The following KCNK2 variants were observed in gnomAD, a reference collection of about 807,000 sequenced individuals.
The protein encoded by KCNK2 is potassium two pore domain channel subfamily K member 2, also known as potassium channel subfamily K member 2.
In KCNK2, 21 loss-of-function variants were observed where a neutral mutation model predicts 40.5. The ratio of observed to expected loss-of-function variants is 0.52; its 90% confidence interval spans 0.37 to 0.75. The LOEUF is 0.75. Among genes scored for constraint, KCNK2 ranks in the 30% least tolerant of loss-of-function variants. The pLI, the probability that KCNK2 is intolerant of heterozygous loss-of-function variation, is 0.00. For synonymous variants in KCNK2, 191 were observed against 202.2 expected (o/e 0.94, Z 0.47); for missense variants, 399 against 531.6 (o/e 0.75, Z 2.45).
At chr1:215,153,832 G>C (rs973109677) in intron 3 of KCNK2, among the ~76,000 whole-genome samples, 7 of 151,912 alleles carry the variant, frequency 4.6e-5, no homozygotes, top group African/African-American at 1.7e-4. Context: ...CCACTTATGA[G>C]TGAGAACATG....
intron 1 of KCNK2, among the ~76,000 whole-genome samples, chr1:215,048,305 A>G (rs1657856041): frequency 6.6e-6 from 1 of 152,214 alleles, no homozygotes; most frequent in Non-Finnish European, 1.5e-5. Flanking sequence ...AAGAAGAAAT[A>G]TTGTGAAAAT....
chr1:215,074,469 C>T (rs1339798218), intron 1 of KCNK2, among the ~76,000 whole-genome samples: 3 of 152,144 alleles, frequency 2.0e-5, no homozygotes, highest in African/African-American at 7.2e-5. Flanking sequence ...TATTGATTTG[C>T]TCTTCATAAA....
chr1:215,198,774 G>T (rs1201458646), intron 6 of KCNK2, among the ~76,000 whole-genome samples: 2 of 151,874 alleles, frequency 1.3e-5, no homozygotes, highest in Non-Finnish European at 2.9e-5. Context: ...TGATAACTGG[G>T]AATCTTCTTC....
chr1:215,044,958 C>T (rs145262024), intron 1 of KCNK2, among the ~76,000 whole-genome samples: 3,026 of 152,098 alleles, frequency 0.02, 83 homozygotes, highest in African/African-American at 0.069. Flanking sequence ...ATCACGAGGT[C>T]AGGAGATCGA....
At chr1:215,148,989 G>T (rs1254018361) in intron 3 of KCNK2, among the ~76,000 whole-genome samples, 1 of 152,118 alleles carries the variant, frequency 6.6e-6, no homozygotes, top group Non-Finnish European at 1.5e-5. Flanking sequence ...AGAGAGCAAT[G>T]GTACACCGGG....
At chr1:215,195,311 G>C (rs530994708) in intron 6 of KCNK2, among the ~76,000 whole-genome samples, 2 of 151,780 alleles carry the variant, frequency 1.3e-5, no homozygotes, top group Non-Finnish European at 2.9e-5. Flanking sequence ...TCAGAACTGA[G>C]GGTAATTTCT....
At chr1:215,216,425 TATA>T (rs5780822) in intron 6 of KCNK2, among the ~76,000 whole-genome samples, 36,921 of 143,296 alleles carry the variant, frequency 0.26, 5,691 homozygotes, top group African/African-American at 0.44. Context: ...TATTATATGT[TATA>T]ATATATATTT....
chr1:215,235,523 G>C lies in KCNK2; in HGVS notation c.*378G>C, dbSNP rs960038590. 5.8e-6 allele frequency: 1 copy of C among 170,946 alleles called. No homozygotes were observed. Among genetic ancestry groups the C allele is most frequent in the Non-Finnish European group, 1.2e-5 (1 of 80,186 alleles). The allele number at this position is 170,946 out of a possible 1,614,324, so 10.6% of individuals were successfully genotyped here. On this transcript the variant is annotated 3_prime_UTR_variant, in exon 7 of 7. Transcript: ENST00000444842. ...AACTTTTCAGGGTCTACCTAACTGA[G>C]CCTAGATATGGACCATTTATGGATG... is the stretch of plus-strand genomic sequence containing the variant.
chr1:215,151,326 AT>A, intron 3 of KCNK2, among the ~76,000 whole-genome samples: 1 of 152,112 alleles, frequency 6.6e-6, no homozygotes, highest in African/African-American at 2.4e-5. Flanking sequence ...CATCCTCCTA[AT>A]TTTGGTAGAA....
intron 3 of KCNK2, among the ~76,000 whole-genome samples, chr1:215,145,102 T>A (rs781248194): frequency 4.6e-5 from 7 of 152,150 alleles, no homozygotes; most frequent in Non-Finnish European, 8.8e-5. Context: ...CTATCATCAT[T>A]AGCATCATCA....
In KCNK2 at chr1:215,088,539, A is replaced by G. The variant is rs146634554; in HGVS notation, c.357+1861A>G. ...CTCTGATTCATGTAGTTGCATTCTT[A>G]TCACCTGGAGTGAGATGCTTGGTTG... is the stretch of plus-strand genomic sequence containing the variant. On this transcript the variant is annotated intron_variant, in intron 2 of 6. Transcript: ENST00000444842. Among the ~76,000 whole-genome samples, 20 of 151,456 alleles carry G rather than the reference A, an allele frequency of 1.3e-4. No individual in the cohort carries two copies. The East Asian group carries it at 3.9e-3, about 30-fold the overall frequency.
At chr1:215,029,044 C>A in intron 1 of KCNK2, among the ~76,000 whole-genome samples, 1 of 151,684 alleles carries the variant, frequency 6.6e-6, no homozygotes, top group East Asian at 1.9e-4. Flanking sequence ...ATACCCTTTA[C>A]CCCTGCCTCC....
upstream of KCNK2, among the ~76,000 whole-genome samples, chr1:215,082,395 G>T (rs1466534186): frequency 6.6e-6 from 1 of 152,140 alleles, no homozygotes; most frequent in Non-Finnish European, 1.5e-5. Context: ...GGGGTCCAAG[G>T]ACTCGCGTCC....
rs573931083 is a variant in KCNK2, at chr1:215,032,515, T to C, written c.34+26560T>C. Among the ~76,000 whole-genome samples the C allele has an allele frequency of 4.6e-5, 7 of 152,278 alleles. No individual in the cohort carries two copies. The South Asian group carries it at 1.2e-3, about 27-fold the overall frequency. ...TCTGTATGTAGATTTGAGTTTCTGA[T>C]CCATATCATTTCTCTTCTCTCTAAA... On this transcript the variant is annotated intron_variant, in intron 1 of 6. Coordinates refer to the KCNK2 transcript ENST00000391895.
intron 1 of KCNK2, among the ~76,000 whole-genome samples, chr1:215,035,962 T>G (rs11120471): frequency 0.021 from 3,197 of 151,980 alleles, 114 homozygotes; most frequent in African/African-American, 0.073. Flanking sequence ...GTATTTGTCC[T>G]TTGTCAAATA....
chr1:215,190,567 T>C (rs887491363), intron 5 of KCNK2, among the ~76,000 whole-genome samples: 1 of 152,164 alleles, frequency 6.6e-6, no homozygotes, highest in South Asian at 2.1e-4. Context: ...TCTACTGAGA[T>C]TGTGATATCT....
chr1:215,049,216 G>A (rs775890213), intron 1 of KCNK2, among the ~76,000 whole-genome samples: 8 of 152,104 alleles, frequency 5.3e-5, no homozygotes, highest in Non-Finnish European at 1.0e-4. Context: ...ATCAGATATT[G>A]TATTGTGCTT....
At chr1:215,084,101 AT>A (rs900021675) in intron 1 of KCNK2, among the ~76,000 whole-genome samples, 82 of 152,114 alleles carry the variant, frequency 5.4e-4, no homozygotes, top group African/African-American at 1.9e-3. Context: ...CCAAATGTAC[AT>A]TACATATATT....
chr1:215,132,994 G>T (rs978553459), intron 3 of KCNK2, among the ~76,000 whole-genome samples: 1 of 152,172 alleles, frequency 6.6e-6, no homozygotes, highest in African/African-American at 2.4e-5. Context: ...GAACATTAGG[G>T]ATATAATCTT....
Sources: gnomAD v4.1 joint callset for allele counts (sites outside exome capture counted in the v4.1 genomes callset) on GRCh38, gnomAD v4.1.1 for gene constraint, MANE v1.5 for transcripts, NCBI Gene and HGNC (gene_info 2026-07-23, HGNC 2026-07-21) for gene names.